The following TMCC2 variants were observed in gnomAD, a reference collection of about 807,000 sequenced individuals.
TMCC2 encodes the protein transmembrane and coiled-coil domain family 2.
TMCC2 carries 16 observed loss-of-function variants against 49.4 expected under a neutral mutation model. The observed-to-expected ratio is 0.32, with a 90% CI of 0.22 to 0.49. The LOEUF is 0.49. Ranked by LOEUF, TMCC2 falls within the 20% of genes least tolerant of loss-of-function variation. TMCC2 has a pLI of 0.99. For missense variants in TMCC2, 762 were observed against 989.8 expected (o/e 0.77, Z 3.09); for synonymous variants, 397 against 434.1 (o/e 0.91, Z 1.06).
chr1:205,233,691 G>A (rs576227240), intron 1 of TMCC2: 3 of 151,302 alleles, frequency 2.0e-5, no homozygotes, highest in South Asian at 4.2e-4. Flanking sequence ...AAACATGTAC[G>A]CAGTTTAAAT....
intron 2 of TMCC2, among the ~76,000 whole-genome samples, chr1:205,267,264 G>C (rs1477525929): frequency 1.3e-5 from 2 of 152,144 alleles, no homozygotes; most frequent in Non-Finnish European, 2.9e-5. Context: ...CCTGAGTTTG[G>C]CAGGGCTATT....
chr1:205,240,050 G>A (rs1423184081), intron 1 of TMCC2, among the ~76,000 whole-genome samples: 1 of 152,184 alleles, frequency 6.6e-6, no homozygotes, highest in Non-Finnish European at 1.5e-5. Flanking sequence ...GTAAGATTGT[G>A]GGTTGTTCCT....
At chr1:205,251,034 A>G (rs965449346) in intron 2 of TMCC2, among the ~76,000 whole-genome samples, 8 of 152,178 alleles carry the variant, frequency 5.3e-5, no homozygotes, top group Non-Finnish European at 1.2e-4. Flanking sequence ...AGATGAGGCA[A>G]TGGATATACA....
At chr1:205,270,540 G>C (rs930274594) in intron 3 of TMCC2, among the ~76,000 whole-genome samples, 1 of 152,152 alleles carries the variant, frequency 6.6e-6, no homozygotes, top group Non-Finnish European at 1.5e-5. Flanking sequence ...GGCTTGTGGG[G>C]GGATCTTTTC....
chr1:205,257,134 G>T, intron 2 of TMCC2: 2 of 1,231,100 alleles, frequency 1.6e-6, no homozygotes, highest in African/African-American at 1.6e-5. Context: ...AGCAGCCCGT[G>T]AGCCCCAGGG....
intron 2 of TMCC2, among the ~76,000 whole-genome samples, chr1:205,260,035 G>A (rs940342276): frequency 6.6e-6 from 1 of 152,136 alleles, no homozygotes; most frequent in Non-Finnish European, 1.5e-5. Context: ...GGCTGGTAGG[G>A]TCCCTGAGCA....
intron 2 of TMCC2, 73 bp downstream of exon 2, chr1:205,242,117 G>A (rs1660297136): frequency 9.5e-6 from 14 of 1,470,156 alleles, no homozygotes; most frequent in African/African-American, 1.4e-5. Flanking sequence ...TGAGACCTGG[G>A]GAGCTGAGCC....
chr1:205,263,751 T>C (rs988891945), intron 2 of TMCC2, among the ~76,000 whole-genome samples: 1 of 152,144 alleles, frequency 6.6e-6, no homozygotes, highest in Non-Finnish European at 1.5e-5. Context: ...GAAATTCCAG[T>C]TTCATCGCTG....
chr1:205,236,862 A>G (rs751861749), intron 1 of TMCC2: 2 of 152,158 alleles, frequency 1.3e-5, no homozygotes, highest in Non-Finnish European at 2.9e-5. Flanking sequence ...ACTTTAATAA[A>G]AGTCTTCTAT....
chr1:205,264,584 G>A lies in TMCC2; in HGVS notation c.748-4366G>A, dbSNP rs1027206252. Among the ~76,000 whole-genome samples the A allele has an allele frequency of 6.6e-6, 1 of 151,672 alleles. No individual in the cohort carries two copies. The highest frequency in any genetic ancestry group is 2.4e-5 in the African/African-American group (1 of 41,232). On this transcript the variant is annotated intron_variant, in intron 2 of 4. Transcript: ENST00000358024. The surrounding 1 kb of genome is among the most constrained non-coding windows in gnomAD (Gnocchi z 4.2). ...ACTGCAAGCTCCGCCTCCCAGGTTC[G>A]CGCCATTCTCCCGCCTCAGCCTCCC...
chr1:205,229,653 C>T (rs1275152407), intron 1 of TMCC2: 1 of 984,334 alleles, frequency 1.0e-6, no homozygotes, highest in Non-Finnish European at 1.2e-6. Flanking sequence ...GCCTGCTGAA[C>T]CAACCCCCAG....
intron 1 of TMCC2, among the ~76,000 whole-genome samples, chr1:205,240,361 T>C (rs1264597389): frequency 6.6e-6 from 1 of 152,254 alleles, no homozygotes; most frequent in African/African-American, 2.4e-5. Context: ...GGAAAGGCTG[T>C]GGCCTGGGCG....
intron 1 of TMCC2, chr1:205,234,073 T>G (rs906869938): frequency 2.0e-5 from 3 of 152,140 alleles, no homozygotes; most frequent in Admixed American, 6.5e-5. Flanking sequence ...GGCTTGAAGA[T>G]TCCTGCAATC....
At chr1:205,229,617 A>G in intron 1 of TMCC2, 2 of 978,424 alleles carry the variant, frequency 2.0e-6, no homozygotes, top group East Asian at 1.2e-4. Context: ...GCCAGAGGTT[A>G]AGATAGTGCT....
rs769944922 is a variant in TMCC2, at chr1:205,241,958, T to G, written c.661T>G (p.Ser221Ala). 3.1e-6 allele frequency: 5 copies of G among 1,611,674 alleles called. No homozygotes were observed. The highest frequency in any genetic ancestry group is 2.2e-5 in the East Asian group (1 of 44,868). ...CCAGCACCAGTGCCGTCCCCGCTCT[T>G]CCTCCACCACCGACACTGCTCTGCT... ...LHQHQCRPRS[S>A]STTDTALLLA... The change falls in exon 2 of 5, where the codon TCC (serine) becomes GCC (alanine). Residue 221 changes from serine to alanine, a missense_variant. Coordinates refer to ENST00000358024, the MANE Select transcript of TMCC2 (RefSeq NM_014858.4). This position sits in a 1 kb window ranked among gnomAD's most constrained non-coding sequence, Gnocchi z 7.3.
chr1:205,263,686 G>A (rs1172112), intron 2 of TMCC2, among the ~76,000 whole-genome samples: 133,483 of 152,168 alleles, frequency 0.88, 58,580 homozygotes, highest in East Asian at 1. Context: ...AGCCTGGGCA[G>A]CAGAGTGATT....
chr1:205,271,949 C>G lies in TMCC2; in HGVS notation c.1955C>G (p.Ala652Gly). 6.2e-7 allele frequency: 1 copy of G among 1,614,204 alleles called. No homozygotes were observed. Among genetic ancestry groups the G allele is most frequent in the Non-Finnish European group, 8.5e-7 (1 of 1,180,028 alleles). ...LLGKFINVIL[A>G]LMAVLLVFVS... is the part of the protein sequence containing the mutation. ...GGCAAGTTCATCAACGTGATCCTGGCGCTCATGGCCGTGCTGCTGGTGTTC... is the reference window on the plus strand; with the variant it reads ...GGCAAGTTCATCAACGTGATCCTGGGGCTCATGGCCGTGCTGCTGGTGTTC... The change falls in exon 5 of 5, where the codon GCG becomes GGG. Residue 652 changes from alanine (A) to glycine (G), a missense_variant. Physicochemically the swap from Ala to Gly is moderately conservative, Grantham distance 60 (BLOSUM62 0). Around this residue, in one of 2 missense-constraint regions of TMCC2, gnomAD observed 440 missense variants for 636.7 expected, o/e 0.69. Transcript: ENST00000358024.
chr1:205,268,006 G>A (rs1661417476), intron 2 of TMCC2: 1 of 985,412 alleles, frequency 1.0e-6, no homozygotes, highest in Non-Finnish European at 1.2e-6. Context: ...AGGACTGGGG[G>A]CTTCCACCAT....
chr1:205,250,347 C>G (rs186835209), intron 2 of TMCC2, among the ~76,000 whole-genome samples: 1 of 152,074 alleles, frequency 6.6e-6, no homozygotes, highest in Non-Finnish European at 1.5e-5. Flanking sequence ...CCGAGACCAC[C>G]CTGGCCAACA....
Sources: allele counts gnomAD v4.1 joint callset (sites outside exome capture counted in the v4.1 genomes callset), GRCh38; gene constraint gnomAD v4.1.1; regional missense constraint gnomAD v4.1.1; non-coding constraint Gnocchi (gnomAD v3.1); transcripts MANE v1.5; gene names NCBI Gene and HGNC (gene_info 2026-07-23, HGNC 2026-07-21).